NDFIP1: variants seen among roughly 807,000 people sequenced by gnomAD.
NDFIP1 encodes Nedd4 family interacting protein 1.
A neutral mutation model predicts 28.8 loss-of-function variants in NDFIP1; 7 were observed. The observed-to-expected ratio is 0.24, with a 90% CI of 0.14 to 0.46. NDFIP1 has a LOEUF of 0.46. Ranked by LOEUF, NDFIP1 falls within the 20% of genes least tolerant of loss-of-function variation. The pLI is 0.99. For missense variants in NDFIP1, 194 were observed against 269.1 expected (o/e 0.72, Z 1.95); for synonymous variants, 92 against 101.0 (o/e 0.91, Z 0.53).
chr5:142,115,662 ATGG>A (rs1335693668), intron 1 of NDFIP1, among the ~76,000 whole-genome samples: 1 of 152,150 alleles, frequency 6.6e-6, no homozygotes, highest in African/African-American at 2.4e-5. Context: ...AATTGGCATG[ATGG>A]TTTATCTTTT....
At chr5:142,150,731 A>AACAAAAG (rs1561606524) in intron 7 of NDFIP1, among the ~76,000 whole-genome samples, 2 of 150,868 alleles carry the variant, frequency 1.3e-5, no homozygotes, top group Non-Finnish European at 3.0e-5. Flanking sequence ...CAAAAAAAAA[A>AACAAAAG]AAAAGAAAAG....
At chr5:142,138,960 G>C (rs1757300718) in intron 5 of NDFIP1, among the ~76,000 whole-genome samples, 1 of 150,648 alleles carries the variant, frequency 6.6e-6, no homozygotes, top group African/African-American at 2.4e-5. Context: ...GCTCACGCCT[G>C]TAATCCCAGC....
rs377454589 is a variant in NDFIP1, at chr5:142,152,509, C to A, written c.*781C>A. Reference sequence around the variant, plus strand: ...TCACCCCCACCCCCACCCCCACCCCCCTTATTTTCCTTTTGTCTCCTGGTG... The same window carrying A: ...TCACCCCCACCCCCACCCCCACCCCACTTATTTTCCTTTTGTCTCCTGGTG... On this transcript the variant is annotated 3_prime_UTR_variant, in exon 8 of 8. Coordinates refer to ENST00000253814, the MANE Select transcript of NDFIP1 (RefSeq NM_030571.4). 5 of 148,364 alleles carry A rather than the reference C, an allele frequency of 3.4e-5. No individual in the cohort carries two copies. The highest frequency in any genetic ancestry group is 3.4e-3 in the Middle Eastern group (1 of 292). 9.2% of individuals were successfully genotyped at this position (148,364 alleles called of 1,614,324 possible).
intron 3 of NDFIP1, 139 bp downstream of exon 3, chr5:142,132,481 T>G: frequency 9.1e-7 from 1 of 1,100,270 alleles, no homozygotes; most frequent in Non-Finnish European, 1.3e-6. Context: ...TACATTTGCT[T>G]TTGGGATAAT....
At chr5:142,118,862 G>A (rs1160128468) in intron 1 of NDFIP1, among the ~76,000 whole-genome samples, 1 of 151,934 alleles carries the variant, frequency 6.6e-6, no homozygotes, top group Non-Finnish European at 1.5e-5. Flanking sequence ...CATCATTGTG[G>A]ATTTTTTTTT....
intron 7 of NDFIP1, among the ~76,000 whole-genome samples, chr5:142,146,608 C>T (rs7725919): frequency 6.6e-6 from 1 of 152,014 alleles, no homozygotes; most frequent in Non-Finnish European, 1.5e-5. Context: ...AGATTTCTTT[C>T]TCTTTTTAAA....
chr5:142,111,224 A>G (rs1757011464), intron 1 of NDFIP1, among the ~76,000 whole-genome samples: 1 of 150,732 alleles, frequency 6.6e-6, no homozygotes. Context: ...TGTATCATGC[A>G]CATGTATCTA....
chr5:142,108,912 C>T lies in NDFIP1; in HGVS notation c.-63C>T, dbSNP rs1206670180. Reference sequence around the variant, plus strand: ...TCGGCCTCCCAGCGCTCCCAAGCCGCAGCGGCCGCGCCCCTTCAGCTAGCT... The same window carrying T: ...TCGGCCTCCCAGCGCTCCCAAGCCGTAGCGGCCGCGCCCCTTCAGCTAGCT... On this transcript the variant is annotated 5_prime_UTR_variant, in exon 1 of 8. Transcript: ENST00000253814. The T allele has an allele frequency of 2.2e-6, 3 of 1,339,396 alleles. No individual in the cohort carries two copies. The highest frequency in any genetic ancestry group is 2.9e-6 in the Non-Finnish European group (3 of 1,039,748). The allele number at this position is 1,339,396 out of a possible 1,614,324, so 83.0% of individuals were successfully genotyped here.
intron 5 of NDFIP1, 142 bp from the exon 6 acceptor site, chr5:142,140,421 C>T: frequency 1.7e-6 from 1 of 595,192 alleles, no homozygotes; most frequent in Non-Finnish European, 2.8e-6. Context: ...GCACTTCAGC[C>T]TGGGCAACAA....
At chr5:142,109,070 G>T in intron 1 of NDFIP1, 33 bp downstream of exon 1, 1 of 1,359,396 alleles carries the variant, frequency 7.4e-7, no homozygotes, top group South Asian at 1.7e-5. Context: ...CCCGAACTCC[G>T]GTCCCTGGCT....
At chr5:142,115,298 TTTGAG>T (rs1757053330) in intron 1 of NDFIP1, among the ~76,000 whole-genome samples, 1 of 152,192 alleles carries the variant, frequency 6.6e-6, no homozygotes, top group Non-Finnish European at 1.5e-5. Flanking sequence ...GTTTGTTTGT[TTTGAG>T]ATGGAGTGTC....
chr5:142,125,378 T>G (rs1757160541), intron 1 of NDFIP1, among the ~76,000 whole-genome samples: 1 of 152,182 alleles, frequency 6.6e-6, no homozygotes, highest in African/African-American at 2.4e-5. Flanking sequence ...GTTGCTGTTT[T>G]TGTTTGAGAC....
chr5:142,142,589 T>A (rs1341461773), intron 6 of NDFIP1, among the ~76,000 whole-genome samples: 1 of 152,110 alleles, frequency 6.6e-6, no homozygotes, highest in Non-Finnish European at 1.5e-5. Context: ...TTATAATCCT[T>A]CATCATTGAT....
At chr5:142,140,487 AT>A in intron 5 of NDFIP1, 75 bp from the exon 6 acceptor site, 1 of 1,012,776 alleles carries the variant, frequency 9.9e-7, no homozygotes, top group Non-Finnish European at 1.5e-6. Flanking sequence ...GCATTTTGTG[AT>A]TTTGTGTACC....
rs543773805 is a variant in NDFIP1, at chr5:142,121,446, C to T, written c.64-10362C>T. On this transcript the variant is annotated intron_variant, in intron 1 of 7. Transcript: ENST00000253814. The stretch of plus-strand genomic sequence containing the variant: ...GAAAGGAATACATAGTATAGATATA[C>T]CTTGTGCAAAATAACAATAATAAAT... 2.0e-5 allele frequency among the ~76,000 whole-genome samples: 3 copies of T among 152,114 alleles called. No individual in the cohort carries two copies. In the South Asian group the frequency reaches 6.2e-4, roughly 31 times the overall value.
intron 1 of NDFIP1, among the ~76,000 whole-genome samples, chr5:142,123,428 C>T (rs1389927935): frequency 6.6e-6 from 1 of 152,168 alleles, no homozygotes; most frequent in East Asian, 1.9e-4. Context: ...TCCACCATGT[C>T]CAGCCATAAA....
chr5:142,111,449 A>G (rs954409123), intron 1 of NDFIP1, among the ~76,000 whole-genome samples: 24 of 152,278 alleles, frequency 1.6e-4, no homozygotes, highest in African/African-American at 5.3e-4. Flanking sequence ...TACGTCTTCA[A>G]CCGTTTCCTT....
At chr5:142,148,437 G>T (rs573534668) in intron 7 of NDFIP1, among the ~76,000 whole-genome samples, 32 of 152,256 alleles carry the variant, frequency 2.1e-4, no homozygotes, top group Middle Eastern at 3.4e-3. Flanking sequence ...TGCTAAAGGT[G>T]TGCACAGTGG....
intron 1 of NDFIP1, among the ~76,000 whole-genome samples, chr5:142,121,744 A>G (rs1477539204): frequency 6.6e-6 from 1 of 152,216 alleles, no homozygotes; most frequent in Non-Finnish European, 1.5e-5. Context: ...CTACATGCAT[A>G]GCCTGTGAAT....
Sources: gnomAD v4.1 joint callset for allele counts (sites outside exome capture counted in the v4.1 genomes callset) on GRCh38, gnomAD v4.1.1 for gene constraint, MANE v1.5 for transcripts, NCBI Gene and HGNC (gene_info 2026-07-23, HGNC 2026-07-21) for gene names.